The following IGFN1 variants were observed in gnomAD, a reference collection of about 807,000 sequenced individuals.
IGFN1 encodes immunoglobulin-like and fibronectin type III domain-containing protein 1.
A neutral mutation model predicts 289.5 loss-of-function variants in IGFN1; 253 were observed. The ratio of observed to expected loss-of-function variants is 0.87; its 90% CI spans 0.79 to 0.97. IGFN1 has a LOEUF of 0.97. Ranked by LOEUF, IGFN1 falls within the 50% of genes least tolerant of loss-of-function variation. IGFN1 has a pLI of 0.00. For synonymous variants in IGFN1, 1,706 were observed against 1,788.5 expected (o/e 0.95, Z 1.16); for missense variants, 4,470 against 4,686.1 (o/e 0.95, Z 1.35).
intron 3 of IGFN1, among the ~76,000 whole-genome samples, chr1:201,194,525 G>A (rs563717809): frequency 6.6e-6 from 1 of 152,206 alleles, no homozygotes; most frequent in Non-Finnish European, 1.5e-5. Context: ...GAAATATCTG[G>A]GGGGCAGGGA....
At position 201,206,549 on chromosome 1, in the gene IGFN1, C is replaced by A; in HGVS notation, c.1656C>A (p.Cys552Ter). The change falls in exon 12 of 24, where the codon TGC becomes TGA. Residue 552 changes from cysteine (C) to a stop codon, truncating the protein, a stop_gained. Transcript: ENST00000335211. LOFTEE classifies it high-confidence loss of function. ...GCAGAGACAGCAACAGTGATGAATG[C>A]TGGAGGAAAGCAGGAGGCTGGGAGG... Reference protein sequence around the residue: ...DRGRDSNSDECWRKAGGWEAG... With the variant: ...DRGRDSNSDE 8 of 1,550,832 alleles carry A rather than the reference C, an allele frequency of 5.2e-6. No individual in the cohort carries two copies. Among genetic ancestry groups the A allele is most frequent in the African/African-American group, 1.4e-5 (1 of 73,090 alleles).
chr1:201,222,795 G>A lies in IGFN1; in HGVS notation c.10258G>A (p.Gly3420Arg), dbSNP rs759177675. 3.1e-5 allele frequency: 50 copies of A among 1,613,270 alleles called. No homozygotes were observed. The highest frequency in any genetic ancestry group is 1.1e-4 in the East Asian group (5 of 44,868). The change falls in exon 20 of 24, where the codon GGG becomes AGG. Residue 3420 changes from glycine to arginine, a missense_variant. Physicochemically the swap from Gly to Arg is moderately radical, Grantham distance 125. Transcript: ENST00000335211. ...CAAGGACTTGCTGACAGTCAAGGTC[G>A]GGGACACAGTTCGTGTGCCCGTCTC... ...STKDLLTVKV[G>R]DTVRVPVSFE...
intron 16 of IGFN1, 87 bp from the exon 17 acceptor site, chr1:201,217,200 A>G: frequency 8.3e-7 from 1 of 1,206,378 alleles, no homozygotes; most frequent in Non-Finnish European, 1.2e-6. Context: ...CCTGTCCCAG[A>G]TGCCTGTGCC....
At chr1:201,226,328 C>T (rs112188468) in intron 22 of IGFN1, among the ~76,000 whole-genome samples, 1 of 152,178 alleles carries the variant, frequency 6.6e-6, no homozygotes, top group Non-Finnish European at 1.5e-5. Flanking sequence ...CTCTGCACCC[C>T]GACCTCCGTG....
chr1:201,198,261 G>A (rs1246987064), intron 5 of IGFN1, among the ~76,000 whole-genome samples: 1 of 152,108 alleles, frequency 6.6e-6, no homozygotes, highest in Non-Finnish European at 1.5e-5. Context: ...TCAGCCTCCT[G>A]AGTAGCTGGG....
chr1:201,227,431 GTT>G lies in IGFN1; in HGVS notation c.11113+235_11113+236del, dbSNP rs11298107. ...TTTAAAAAATTTATTTTTATTTTTA[GTT>G]TTTTTTTTTTTGAGACGGAGTTTCG... On this transcript the variant is annotated intron_variant, in intron 23 of 23. Coordinates refer to ENST00000335211, the MANE Select transcript of IGFN1 (RefSeq NM_001164586.2). Among the ~76,000 whole-genome samples, 118 of 143,084 alleles carry G rather than the reference GTT, an allele frequency of 8.2e-4. 1 individual carries two copies. In the East Asian group the frequency reaches 9.2e-3, roughly 11 times the overall value. 93.9% of individuals were successfully genotyped at this position (143,084 alleles called of 152,430 possible).
At position 201,211,781 on chromosome 1, in the gene IGFN1, T is replaced by A. The variant is rs1667822841; in HGVS notation, c.6888T>A (p.Asn2296Lys). The A allele has an allele frequency of 1.3e-6, 2 of 1,536,732 alleles. No individual in the cohort carries two copies. The highest frequency in any genetic ancestry group is 1.7e-6 in the Non-Finnish European group (2 of 1,146,758). The change falls in exon 12 of 24, where the codon AAT becomes AAA. Residue 2296 changes from asparagine to lysine, a missense_variant. By Grantham distance (94) the Asn-to-Lys change is moderately conservative. Around this residue, in one of 8 missense-constraint regions of IGFN1, gnomAD observed 2,218 missense variants for 2,114.1 expected, o/e 1.05. Coordinates refer to ENST00000335211, the MANE Select transcript of IGFN1 (RefSeq NM_001164586.2). ...YKNVLGGSGRNPLGSEAGSRG... is the reference protein window; with the variant it reads ...YKNVLGGSGRKPLGSEAGSRG... ...ATGTTTTAGGGGGTTCTGGGAGGAA[T>A]CCATTAGGGAGCGAGGCAGGTTCTA...
chr1:201,220,008 C>G (rs1653613552), intron 18 of IGFN1, among the ~76,000 whole-genome samples: 1 of 151,062 alleles, frequency 6.6e-6, no homozygotes. Flanking sequence ...CTTTCTTTCT[C>G]TCTCTCTCTC....
At position 201,211,335 on chromosome 1, in the gene IGFN1, G is replaced by C. The variant is rs1667775503; in HGVS notation, c.6442G>C (p.Ala2148Pro). The change falls in exon 12 of 24, where the codon GCT (alanine) becomes CCT (proline). Residue 2148 changes from alanine to proline, a missense_variant. By Grantham distance (27) the Ala-to-Pro change is conservative. Transcript: ENST00000335211. ...NEAGYRKDLG[A>P]PKGMGSESKA... ...GGCAGGTTATAGGAAGGATTTGGGG[G>C]CTCCTAAGGGAATGGGTTCAGAGAG... 1.3e-6 allele frequency: 2 copies of C among 1,500,976 alleles called. No homozygotes were observed. The highest frequency in any genetic ancestry group is 2.0e-5 in the Admixed American group (1 of 49,212). 93.0% of individuals were successfully genotyped at this position (1,500,976 alleles called of 1,614,324 possible).
At chr1:201,192,931 G>T (rs1163111943) in intron 1 of IGFN1, among the ~76,000 whole-genome samples, 3 of 152,150 alleles carry the variant, frequency 2.0e-5, no homozygotes, top group Admixed American at 6.5e-5. Flanking sequence ...TCTGGGCAGG[G>T]TAATCAGGTC....
At chr1:201,215,238 T>G (rs1653145904) in intron 14 of IGFN1, 84 bp downstream of exon 14, 2 of 1,423,472 alleles carry the variant, frequency 1.4e-6, no homozygotes, top group African/African-American at 2.8e-5. Context: ...TTAAAACACC[T>G]GAATTTGTGG....
chr1:201,212,165 T>C lies in IGFN1; in HGVS notation c.7272T>C (p.Pro2424=). ...ATGGGGCAGGACCTGGGGTGGAACCTGGGATGGCTGGAATGCCAGGCACTG... is the reference window on the plus strand; with the variant it reads ...ATGGGGCAGGACCTGGGGTGGAACCCGGGATGGCTGGAATGCCAGGCACTG... ...LVDGAGPGVE[P]GMAGMPGTAG... The change falls in exon 12 of 24, where the codon CCT becomes CCC. Residue 2424 remains proline, a synonymous_variant. Coordinates refer to ENST00000335211, the MANE Select transcript of IGFN1 (RefSeq NM_001164586.2). 1 of 1,535,880 alleles carries C rather than the reference T, an allele frequency of 6.5e-7. No homozygotes were observed. The highest frequency in any genetic ancestry group is 8.7e-7 in the Non-Finnish European group (1 of 1,146,558).
rs978991380 is a variant in IGFN1, at chr1:201,215,617, T to C, written c.9074T>C (p.Val3025Ala). 1 of 1,613,754 alleles carries C rather than the reference T, an allele frequency of 6.2e-7. No homozygotes were observed. Among genetic ancestry groups the C allele is most frequent in the Admixed American group, 1.7e-5 (1 of 59,970 alleles). ...GTCAAGGCTGGGAAGCCGGTGATAGTGAAGATCCCCTTCCAGAGCCACCTC... is the reference window on the plus strand; with the variant it reads ...GTCAAGGCTGGGAAGCCGGTGATAGCGAAGATCCCCTTCCAGAGCCACCTC... The part of the protein sequence containing the change: ...LVVKAGKPVI[V>A]KIPFQSHLPI... Residue 3025 changes from valine (V) to alanine (A), a missense_variant, in exon 15 of 24, where the codon GTG (valine) becomes GCG (alanine). By Grantham distance (64) the Val-to-Ala change is moderately conservative (BLOSUM62 0). This residue lies in a region of IGFN1 where 2,218 missense variants were observed against 2,114.1 expected (regional missense o/e 1.05). Coordinates refer to ENST00000335211, the MANE Select transcript of IGFN1 (RefSeq NM_001164586.2).
rs1405669660 is a variant in IGFN1, at chr1:201,208,708, A to G, written c.3815A>G (p.Lys1272Arg). 25 of 1,536,902 alleles carry G rather than the reference A, an allele frequency of 1.6e-5. No individual in the cohort carries two copies. Among genetic ancestry groups the G allele is most frequent in the Non-Finnish European group, 7.8e-6 (9 of 1,146,812 alleles). Residue 1272 changes from lysine to arginine, a missense_variant, in exon 12 of 24, where the codon AAG (lysine) becomes AGG (arginine). Around this residue, in one of 8 missense-constraint regions of IGFN1, gnomAD observed 2,011 missense variants for 1,953.4 expected, o/e 1.03. Transcript: ENST00000335211. ...MGSADGPGCR[K>R]GIGSSGEMGS... ...TCAGCAGATGGGCCAGGTTGTAGGA[A>G]GGGTATTGGGAGTTCTGGGGAAATG...
chr1:201,212,150 A>G lies in IGFN1; in HGVS notation c.7257A>G (p.Gly2419=), dbSNP rs546427658. The G allele has an allele frequency of 6.5e-7, 1 of 1,536,166 alleles. No homozygotes were observed. Among genetic ancestry groups the G allele is most frequent in the East Asian group, 2.4e-5 (1 of 40,910 alleles). Residue 2419 remains glycine, a synonymous_variant, in exon 12 of 24, where the codon GGA becomes GGG. Coordinates refer to ENST00000335211, the MANE Select transcript of IGFN1 (RefSeq NM_001164586.2). ...ARETRLVDGA[G]PGVEPGMAGM... ...AAACCAGGCTTGTGGATGGGGCAGG[A>G]CCTGGGGTGGAACCTGGGATGGCTG...
intron 10 of IGFN1, among the ~76,000 whole-genome samples, chr1:201,204,294 C>T (rs1001949120): frequency 5.3e-5 from 8 of 152,190 alleles, no homozygotes; most frequent in Non-Finnish European, 1.0e-4. Flanking sequence ...CTGGGTTAGG[C>T]ATCCTCACGC....
At chr1:201,205,954 G>A in intron 11 of IGFN1, 129 bp from the exon 12 acceptor site, 1 of 686,262 alleles carries the variant, frequency 1.5e-6, no homozygotes, top group Non-Finnish European at 2.5e-6. Context: ...TCTCTCCTGG[G>A]GAAGTCCAGG....
rs1667504352 is a variant in IGFN1 at position 201,207,880 on chromosome 1, G to C, written c.2987G>C (p.Arg996Thr). 1.3e-6 allele frequency: 2 copies of C among 1,536,378 alleles called. No homozygotes were observed. Among genetic ancestry groups the C allele is most frequent in the East Asian group, 4.9e-5 (2 of 40,902 alleles). Residue 996 changes from arginine to threonine, a missense_variant, in exon 12 of 24, where the codon AGG (arginine) becomes ACG (threonine). This residue lies in a region of IGFN1 where 2,011 missense variants were observed against 1,953.4 expected (regional missense o/e 1.03). Transcript: ENST00000335211. ...GGTGCTGGTTGTAGAGTTTCCCCTA[G>C]GGCACCTGCGGGAGTGGAGTCTGAG... ...GHGAGCRVSPRAPAGVESEEG... is the reference protein window; with the variant it reads ...GHGAGCRVSPTAPAGVESEEG...
At chr1:201,195,472 C>T (rs533229508) in intron 3 of IGFN1, among the ~76,000 whole-genome samples, 4 of 152,276 alleles carry the variant, frequency 2.6e-5, no homozygotes, top group Admixed American at 6.5e-5. Context: ...AAATCTCATT[C>T]CCTTCCTAGT....
Sources: gnomAD v4.1 joint callset for allele counts (sites outside exome capture counted in the v4.1 genomes callset) on GRCh38, gnomAD v4.1.1 for gene constraint, gnomAD v4.1.1 regional missense constraint, MANE v1.5 for transcripts, NCBI Gene and HGNC (gene_info 2026-07-23, HGNC 2026-07-21) for gene names.